IL1RAPL1: variants seen among roughly 807,000 people sequenced by gnomAD.
IL1RAPL1 encodes interleukin 1 receptor accessory protein like 1.
In IL1RAPL1, 3 loss-of-function variants were observed where a neutral mutation model predicts 48.4. The observed-to-expected ratio is 0.06, with a 90% CI of 0.03 to 0.16. The LOEUF is 0.16. IL1RAPL1 is among the 10% of genes least tolerant of loss of function. The pLI is 1.00. For missense variants in IL1RAPL1, 349 were observed against 530.6 expected (o/e 0.66, Z 3.36); for synonymous variants, 185 against 187.7 (o/e 0.99, Z 0.12).
chrX:29,198,748 G>T (rs1324710376), intron 2 of IL1RAPL1, among the ~76,000 whole-genome samples: 1 of 111,412 alleles, frequency 9.0e-6, no homozygotes, highest in South Asian at 3.8e-4. Flanking sequence ...AAATTACCTG[G>T]AGAAATTGTA....
chrX:28,760,289 C>A (rs2147250439), intron 1 of IL1RAPL1, among the ~76,000 whole-genome samples: 1 of 111,829 alleles, frequency 8.9e-6, no homozygotes, highest in East Asian at 2.8e-4. Context: ...CATATGAACT[C>A]TTAGGTCTAT....
chrX:29,802,967 A>G (rs760982016), intron 6 of IL1RAPL1, among the ~76,000 whole-genome samples: 11 of 88,443 alleles, frequency 1.2e-4, no homozygotes, highest in African/African-American at 3.1e-4. Context: ...ATACATGTGT[A>G]CATATATACA....
intron 2 of IL1RAPL1, among the ~76,000 whole-genome samples, chrX:28,954,190 TTAAAA>T (rs748751963): frequency 9.0e-6 from 1 of 111,071 alleles, no homozygotes; most frequent in Non-Finnish European, 1.9e-5. Context: ...AAAATGAGTT[TTAAAA>T]TAAAGTAATA....
At position 29,230,504 on chromosome X, in the gene IL1RAPL1, CAAAAAAAAA is replaced by C. The variant is rs60539139; in HGVS notation, c.83-52411_83-52403del. 2.1e-3 allele frequency among the ~76,000 whole-genome samples: 35 copies of C among 16,597 alleles called. No individual in the cohort carries two copies. In the South Asian group the frequency reaches 0.093, roughly 44 times the overall value. 14.4% of individuals were successfully genotyped at this position (16,597 alleles called of 115,157 possible). On this transcript the variant is annotated intron_variant, in intron 2 of 10. Coordinates refer to ENST00000378993, the MANE Select transcript of IL1RAPL1 (RefSeq NM_014271.4). ...TGCTCTATCATTATGGTCCCTTTACCAAAAAAAAAAAAAAAAAAAAAAAAAAAAAAACCT... is the reference window on the plus strand; with the variant it reads ...TGCTCTATCATTATGGTCCCTTTACCAAAAAAAAAAAAAAAAAAAAAACCT...
At chrX:29,332,653 A>T (rs200509238) in intron 3 of IL1RAPL1, among the ~76,000 whole-genome samples, 109 of 65,408 alleles carry the variant, frequency 1.7e-3, no homozygotes, top group East Asian at 9.2e-3. Flanking sequence ...TATTTATTTT[A>T]TTTTTTTTTT....
intron 2 of IL1RAPL1, among the ~76,000 whole-genome samples, chrX:28,877,648 T>A (rs1311942054): frequency 8.9e-6 from 1 of 112,286 alleles, no homozygotes. Context: ...TGGTTTTTTT[T>A]AAATCATATA....
chrX:29,445,549 A>G (rs1331108599), intron 5 of IL1RAPL1, among the ~76,000 whole-genome samples: 2 of 112,126 alleles, frequency 1.8e-5, no homozygotes, highest in Non-Finnish European at 3.8e-5. Flanking sequence ...AGTTTTATAC[A>G]ATATACAGAA....
At chrX:29,619,135 A>C (rs1391431374) in intron 5 of IL1RAPL1, among the ~76,000 whole-genome samples, 1 of 111,732 alleles carries the variant, frequency 8.9e-6, no homozygotes, top group Non-Finnish European at 1.9e-5. Context: ...CGTGGAAAAA[A>C]TCATGTTTTT....
intron 2 of IL1RAPL1, among the ~76,000 whole-genome samples, chrX:29,003,770 T>C (rs1925911771): frequency 8.9e-6 from 1 of 112,304 alleles, no homozygotes. Context: ...ATAGGACTTA[T>C]AACACCTATT....
At chrX:29,085,591 A>G (rs1927935755) in intron 2 of IL1RAPL1, among the ~76,000 whole-genome samples, 1 of 112,255 alleles carries the variant, frequency 8.9e-6, no homozygotes, top group African/African-American at 3.2e-5. Context: ...ATCAGAGCAT[A>G]CCCATTAAAT....
At chrX:29,934,636 A>T (rs1235556485) in intron 8 of IL1RAPL1, among the ~76,000 whole-genome samples, 2 of 111,661 alleles carry the variant, frequency 1.8e-5, no homozygotes, top group Non-Finnish European at 3.8e-5. Context: ...GATTTGCCAC[A>T]TTTACCTTAT....
At chrX:29,827,734 C>T (rs1045868906) in intron 6 of IL1RAPL1, among the ~76,000 whole-genome samples, 1 of 112,798 alleles carries the variant, frequency 8.9e-6, no homozygotes, top group Admixed American at 9.4e-5. Context: ...TACTTAACCA[C>T]TCTGTGTCTC....
intron 2 of IL1RAPL1, among the ~76,000 whole-genome samples, chrX:29,031,271 A>G (rs1352835057): frequency 8.9e-6 from 1 of 112,441 alleles, no homozygotes; most frequent in Admixed American, 9.4e-5. Flanking sequence ...TAACCATTTC[A>G]GAAAAGTGGT....
rs1298738329 is a variant in IL1RAPL1, at chrX:28,802,140, GA to G, written c.82+12724del. Among the ~76,000 whole-genome samples the G allele has an allele frequency of 7.2e-5, 8 of 110,574 alleles. No individual in the cohort carries two copies. In the South Asian group the frequency reaches 1.1e-3, roughly 16 times the overall value. On this transcript the variant is annotated intron_variant, in intron 2 of 10. Transcript: ENST00000378993. ...GCTTAAAACAAAGGTTCTGTTAAGA[GA>G]AAAAAAAATTAGTTTTTATTTCTTT... is the stretch of plus-strand genomic sequence containing the variant.
chrX:28,918,023 A>G (rs1211918496), intron 2 of IL1RAPL1, among the ~76,000 whole-genome samples: 1 of 112,276 alleles, frequency 8.9e-6, no homozygotes, highest in East Asian at 2.8e-4. Flanking sequence ...GCACTGTAAA[A>G]ATTTAACTTT....
intron 2 of IL1RAPL1, among the ~76,000 whole-genome samples, chrX:28,988,796 T>C (rs1925535861): frequency 8.9e-6 from 1 of 112,239 alleles, no homozygotes; most frequent in South Asian, 3.7e-4. Flanking sequence ...GAGATATTGA[T>C]ATTACAATAT....
At chrX:29,228,464 C>T (rs188528620) in intron 2 of IL1RAPL1, among the ~76,000 whole-genome samples, 2 of 105,733 alleles carry the variant, frequency 1.9e-5, no homozygotes, top group Non-Finnish European at 3.9e-5. Context: ...AAACGATTCT[C>T]CTCCCTCAGC....
At chrX:28,819,131 A>G (rs1299372549) in intron 2 of IL1RAPL1, among the ~76,000 whole-genome samples, 1 of 110,892 alleles carries the variant, frequency 9.0e-6, no homozygotes, top group Non-Finnish European at 1.9e-5. Context: ...ATACCTGGAC[A>G]TGTTCATCAT....
chrX:29,303,848 A>C (rs975430436), intron 3 of IL1RAPL1, among the ~76,000 whole-genome samples: 1 of 112,258 alleles, frequency 8.9e-6, no homozygotes, highest in Admixed American at 9.5e-5. Flanking sequence ...TGTACTTCAT[A>C]CTTAATGGAC....
Sources: gnomAD v4.1 joint callset for allele counts (sites outside exome capture counted in the v4.1 genomes callset) on GRCh38, gnomAD v4.1.1 for gene constraint, MANE v1.5 for transcripts, NCBI Gene and HGNC (gene_info 2026-07-23, HGNC 2026-07-21) for gene names.